Variants in EPSTI1 observed in about 807,000 individuals in gnomAD.
EPSTI1 encodes epithelial stromal interaction 1, also known as epithelial-stromal interaction protein 1.
EPSTI1 carries 66 observed loss-of-function variants against 49.9 expected under a neutral mutation model. The observed-to-expected ratio is 1.32, with a 90% CI of 1.08 to 1.62. The LOEUF is 1.62. EPSTI1 is among the 40% of genes most tolerant of loss of function. The probability of loss-of-function intolerance (pLI) is 0.00; values close to 1 mark genes in which losing one functional copy is unlikely to be tolerated. For synonymous variants in EPSTI1, 137 were observed against 130.7 expected, an observed-to-expected ratio of 1.05 and a Z score of -0.33; for missense variants, 394 against 365.5, an observed-to-expected ratio of 1.08 and a Z score of -0.64.
intron 1 of EPSTI1, among the ~76,000 whole-genome samples, chr13:42,990,269 G>C (rs1023357276): frequency 6.6e-6 from 1 of 151,432 alleles, no homozygotes; most frequent in Non-Finnish European, 1.5e-5. Flanking sequence ...TTCAGGAATC[G>C]CAAAATAGTG....
At chr13:42,919,779 C>A (rs4142374) in intron 7 of EPSTI1, among the ~76,000 whole-genome samples, 137,767 of 152,242 alleles carry the variant, frequency 0.9, 63,628 homozygotes, top group Non-Finnish European at 1. Flanking sequence ...CAGACTATAC[C>A]GGGAGAAGAG....
chr13:42,899,631 GA>G (rs1352959795), intron 9 of EPSTI1, among the ~76,000 whole-genome samples: 1 of 152,166 alleles, frequency 6.6e-6, no homozygotes, highest in African/African-American at 2.4e-5. Context: ...TTTAAATTGT[GA>G]AAACCCTTAC....
chr13:42,899,331 C>T (rs570681597), intron 9 of EPSTI1, among the ~76,000 whole-genome samples: 3 of 152,216 alleles, frequency 2.0e-5, no homozygotes, highest in African/African-American at 7.2e-5. Flanking sequence ...GCCTAACCGA[C>T]ATATCAGAGT....
intron 3 of EPSTI1, among the ~76,000 whole-genome samples, chr13:42,966,726 G>A (rs551205905): frequency 2.2e-4 from 19 of 86,618 alleles, no homozygotes; most frequent in African/African-American, 4.6e-4. Flanking sequence ...CAGCCGCCCC[G>A]TCCGGGAGGT....
chr13:42,935,110 T>C (rs2038515734), intron 6 of EPSTI1, among the ~76,000 whole-genome samples: 1 of 152,210 alleles, frequency 6.6e-6, no homozygotes, highest in African/African-American at 2.4e-5. Context: ...CATGAATAAA[T>C]GTCCTCTCTC....
intron 6 of EPSTI1, among the ~76,000 whole-genome samples, chr13:42,928,971 T>C (rs1194497622): frequency 1.3e-5 from 2 of 152,234 alleles, no homozygotes; most frequent in Non-Finnish European, 2.9e-5. Flanking sequence ...GGAGTCTCTA[T>C]CAGTTTTGGT....
chr13:42,955,404 G>A (rs1252341462), intron 5 of EPSTI1, among the ~76,000 whole-genome samples: 2 of 152,156 alleles, frequency 1.3e-5, no homozygotes, highest in Admixed American at 1.3e-4. Flanking sequence ...CAAAAGGCTG[G>A]ATCCCTTTAG....
At chr13:42,976,208 C>T (rs998232226) in intron 1 of EPSTI1, among the ~76,000 whole-genome samples, 1 of 152,164 alleles carries the variant, frequency 6.6e-6, no homozygotes, top group Non-Finnish European at 1.5e-5. Context: ...CTCTGGCCTC[C>T]AGTCTTATGA....
At chr13:42,909,409 C>T (rs2037600123) in intron 8 of EPSTI1, among the ~76,000 whole-genome samples, 2 of 152,060 alleles carry the variant, frequency 1.3e-5, no homozygotes, top group Non-Finnish European at 2.9e-5. Flanking sequence ...ATAGAAGTAC[C>T]ATATGATCCA....
At chr13:42,919,573 G>A (rs1405973098) in intron 7 of EPSTI1, among the ~76,000 whole-genome samples, 5 of 152,186 alleles carry the variant, frequency 3.3e-5, no homozygotes. Context: ...TGCAAGCACT[G>A]TGTCAGGACA....
At chr13:42,931,601 T>C (rs1397169588) in intron 6 of EPSTI1, among the ~76,000 whole-genome samples, 1 of 152,260 alleles carries the variant, frequency 6.6e-6, no homozygotes, top group Non-Finnish European at 1.5e-5. Context: ...TCTTGTTCTT[T>C]AAGTCACTGA....
intron 6 of EPSTI1, among the ~76,000 whole-genome samples, chr13:42,947,092 G>A (rs373523994): frequency 2.0e-5 from 3 of 152,090 alleles, no homozygotes; most frequent in Admixed American, 6.5e-5. Context: ...ACAGGCACAC[G>A]GGCATAGACT....
rs961529303 is a variant in EPSTI1, at chr13:42,887,444, T to C, written c.*1050A>G. ...AGAGTGACTGGTAACACAGAAGATC[T>C]CTTAATGCTGCAAAGTATTATTAGT... On this transcript the variant is annotated 3_prime_UTR_variant, in exon 11 of 11. Coordinates refer to ENST00000313624, the MANE Select transcript of EPSTI1 (RefSeq NM_033255.5). 6.6e-6 allele frequency: 1 copy of C among 152,238 alleles called. No individual in the cohort carries two copies. The highest frequency in any genetic ancestry group is 1.5e-5 in the Non-Finnish European group (1 of 68,052). 9.4% of individuals were successfully genotyped at this position (152,238 alleles called of 1,614,324 possible).
At chr13:42,907,629 C>T (rs989959599) in intron 8 of EPSTI1, among the ~76,000 whole-genome samples, 1 of 152,162 alleles carries the variant, frequency 6.6e-6, no homozygotes, top group Non-Finnish European at 1.5e-5. Flanking sequence ...GGAAGTTCTC[C>T]TTACCCCAAC....
chr13:42,920,840 G>A (rs1480279352), intron 7 of EPSTI1, among the ~76,000 whole-genome samples: 1 of 151,622 alleles, frequency 6.6e-6, no homozygotes, highest in African/African-American at 2.4e-5. Flanking sequence ...TTTCTTCTGA[G>A]AAGTAAGAAG....
At chr13:42,983,125 C>T (rs925646012) in intron 1 of EPSTI1, among the ~76,000 whole-genome samples, 2 of 152,106 alleles carry the variant, frequency 1.3e-5, no homozygotes, top group African/African-American at 4.8e-5. Flanking sequence ...GTTAATCTGT[C>T]TTTTTTTATA....
At chr13:42,981,912 T>C (rs1211206300) in intron 1 of EPSTI1, among the ~76,000 whole-genome samples, 1 of 151,174 alleles carries the variant, frequency 6.6e-6, no homozygotes, top group Non-Finnish European at 1.5e-5. Flanking sequence ...GTCAAATGAA[T>C]TGCTCACTGC....
intron 6 of EPSTI1, among the ~76,000 whole-genome samples, chr13:42,945,443 C>T (rs550627727): frequency 6.6e-6 from 1 of 152,286 alleles, no homozygotes; most frequent in Admixed American, 6.5e-5. Context: ...TGACACAGAC[C>T]CAAATGCTAT....
At position 42,894,878 on chromosome 13, in the gene EPSTI1, C is replaced by T. The variant is rs971040086; in HGVS notation, c.915+131G>A. 11 of 707,944 alleles carry T rather than the reference C, an allele frequency of 1.6e-5. No homozygotes were observed. The African/African-American group carries it at 1.6e-4, about 11-fold the overall frequency. The allele number at this position is 707,944 out of a possible 1,614,324, so 43.9% of individuals were successfully genotyped here. A position where few individuals can be genotyped will look rare whatever the true frequency, so the allele number is the denominator to read the frequency against. ...ACAGTAATCCCCCTGGCTGACTGCC[C>T]ATCACACTGCCAAACAGCACAACAA... On this transcript the variant is annotated intron_variant, in intron 10 of 10. Transcript: ENST00000313624.
Sources: gnomAD v4.1 joint callset for allele counts (sites outside exome capture counted in the v4.1 genomes callset) on GRCh38, gnomAD v4.1.1 for gene constraint, MANE v1.5 for transcripts, NCBI Gene and HGNC (gene_info 2026-07-23, HGNC 2026-07-21) for gene names.